Variants in RBFOX1 observed in about 807,000 individuals in gnomAD.
RBFOX1 encodes the protein RNA binding protein fox-1 homolog 1.
A neutral mutation model predicts 57.7 loss-of-function variants in RBFOX1; 8 were observed. The ratio of observed to expected loss-of-function variants is 0.14; its 90% confidence interval spans 0.08 to 0.25. RBFOX1 has a LOEUF of 0.25. Among genes scored for constraint, RBFOX1 ranks in the 10% least tolerant of loss-of-function variants. RBFOX1 has a pLI of 1.00. For missense variants in RBFOX1, 611 were observed against 548.5 expected, an observed-to-expected ratio of 1.11 and a Z score of -1.14; for synonymous variants, 326 against 222.4, an observed-to-expected ratio of 1.47 and a Z score of -4.15.
At chr16:6,778,460 G>C (rs527486932) in intron 3 of RBFOX1, among the ~76,000 whole-genome samples, 131 of 152,188 alleles carry the variant, frequency 8.6e-4, no homozygotes, top group African/African-American at 3.0e-3. Context: ...AAATGTTTCA[G>C]TATGTATCTC....
intron 3 of RBFOX1, among the ~76,000 whole-genome samples, chr16:5,860,510 A>G (rs747080958): frequency 2.6e-5 from 4 of 152,184 alleles, no homozygotes; most frequent in African/African-American, 9.7e-5. Flanking sequence ...GCTTGCTCCC[A>G]TTTGTCAAGG....
chr16:6,941,323 C>T (rs539030164), intron 3 of RBFOX1, among the ~76,000 whole-genome samples: 2 of 136,772 alleles, frequency 1.5e-5, no homozygotes, highest in African/African-American at 5.6e-5. Context: ...TCCTTCCTTC[C>T]TTCCTTCCTT....
Position 7,174,605 on chromosome 16 carries a change from A to C in RBFOX1, c.27+122507A>C, listed in dbSNP as rs137973823. Among the ~76,000 whole-genome samples the C allele has an allele frequency of 3.5e-3, 539 of 152,074 alleles. 2 individuals carry two copies. Among genetic ancestry groups the C allele is most frequent in the African/African-American group, 0.012 (500 of 41,484 alleles). On this transcript the variant is annotated intron_variant, in intron 4 of 15. Coordinates refer to ENST00000550418, the MANE Select transcript of RBFOX1 (RefSeq NM_018723.4). Reference sequence around the variant, plus strand: ...AGATTAACCTGGTGTAGGTGGTGAAACCCCATCTCTACTAAAAATACAAAA... The same window carrying C: ...AGATTAACCTGGTGTAGGTGGTGAACCCCCATCTCTACTAAAAATACAAAA...
At chr16:5,372,638 C>T (rs1476304063) in intron 1 of RBFOX1, among the ~76,000 whole-genome samples, 1 of 152,144 alleles carries the variant, frequency 6.6e-6, no homozygotes. Context: ...ATCGTGGCAG[C>T]TTCATCCAAT....
intron 1 of RBFOX1, among the ~76,000 whole-genome samples, chr16:5,288,437 C>A (rs2063453209): frequency 6.6e-6 from 1 of 152,046 alleles, no homozygotes; most frequent in Admixed American, 6.5e-5. Flanking sequence ...AAATAGTCTT[C>A]CCCAGACAGG....
At chr16:6,485,035 G>C (rs1207528073) in intron 2 of RBFOX1, among the ~76,000 whole-genome samples, 1 of 152,178 alleles carries the variant, frequency 6.6e-6, no homozygotes, top group Non-Finnish European at 1.5e-5. Context: ...AAAATCCAAA[G>C]AGTGTGAGTA....
intron 3 of RBFOX1, among the ~76,000 whole-genome samples, chr16:6,805,115 A>T (rs2086429240): frequency 1.3e-5 from 2 of 152,112 alleles, no homozygotes. Context: ...AGCATTACTC[A>T]CAATAGCAAA....
intron 4 of RBFOX1, among the ~76,000 whole-genome samples, chr16:5,943,363 A>G (rs938102712): frequency 1.3e-5 from 2 of 152,236 alleles, no homozygotes; most frequent in African/African-American, 4.8e-5. Flanking sequence ...TAAACCGTTG[A>G]TACCAAGCCT....
intron 3 of RBFOX1, among the ~76,000 whole-genome samples, chr16:6,813,339 A>T (rs1328852910): frequency 2.0e-5 from 3 of 152,156 alleles, no homozygotes; most frequent in Non-Finnish European, 4.4e-5. Context: ...GACCACATTC[A>T]TGTAACTGCC....
chr16:6,855,301 G>C (rs1320138613), intron 3 of RBFOX1, among the ~76,000 whole-genome samples: 2 of 152,070 alleles, frequency 1.3e-5, no homozygotes, highest in Non-Finnish European at 2.9e-5. Context: ...ACAGGTCTGA[G>C]ATAGCCAAGA....
intron 2 of RBFOX1, among the ~76,000 whole-genome samples, chr16:6,638,222 A>G (rs1273214657): frequency 1.3e-5 from 2 of 152,198 alleles, no homozygotes; most frequent in African/African-American, 2.4e-5. Context: ...CATTTGGGAA[A>G]GAGGGTGGAA....
intron 3 of RBFOX1, among the ~76,000 whole-genome samples, chr16:6,729,381 A>T (rs567235412): frequency 7.6e-4 from 115 of 152,298 alleles, no homozygotes; most frequent in African/African-American, 2.6e-3. Context: ...TCATTAATAA[A>T]ATAGTTTATC....
At position 5,837,648 on chromosome 16, in the gene RBFOX1, C is replaced by T. The variant is rs1178633590; in HGVS notation, c.319-29655C>T. ...CTGAGAGGTTCCTGGTCCTCTTTTG[C>T]GGGTACAGGCAACAGAACTGGGTGA... On this transcript the variant is annotated intron_variant, in intron 3 of 19. Coordinates refer to the RBFOX1 transcript ENST00000641259. Among the ~76,000 whole-genome samples, 5 of 149,962 alleles carry T rather than the reference C, an allele frequency of 3.3e-5. No homozygotes were observed. The South Asian group carries it at 6.4e-4, about 19-fold the overall frequency.
intron 3 of RBFOX1, among the ~76,000 whole-genome samples, chr16:6,934,338 A>T (rs191203064): frequency 3.9e-5 from 6 of 152,308 alleles, no homozygotes; most frequent in Admixed American, 3.3e-4. Flanking sequence ...TCAATACAGA[A>T]TACGTATTTA....
chr16:6,823,196 C>G (rs1179702168), intron 3 of RBFOX1, among the ~76,000 whole-genome samples: 1 of 151,930 alleles, frequency 6.6e-6, no homozygotes, highest in Non-Finnish European at 1.5e-5. Context: ...CCTTCTTAAG[C>G]ATTAAGCATT....
intron 3 of RBFOX1, among the ~76,000 whole-genome samples, chr16:6,948,722 A>G (rs1467578115): frequency 6.6e-6 from 1 of 152,006 alleles, no homozygotes; most frequent in Non-Finnish European, 1.5e-5. Context: ...CCATCATTTG[A>G]CTATGTTTTG....
At chr16:5,295,943 C>CTT (rs1203070789) in intron 1 of RBFOX1, among the ~76,000 whole-genome samples, 2 of 152,160 alleles carry the variant, frequency 1.3e-5, no homozygotes, top group Non-Finnish European at 2.9e-5. Context: ...ATGAATGCCC[C>CTT]TTATCAGAGA....
chr16:7,296,410 C>G (rs1282763576), intron 4 of RBFOX1, among the ~76,000 whole-genome samples: 1 of 151,990 alleles, frequency 6.6e-6, no homozygotes, highest in Non-Finnish European at 1.5e-5. Context: ...CATGCAGTCT[C>G]TTTACCATTT....
At chr16:7,259,837 G>T (rs1475554783) in intron 4 of RBFOX1, among the ~76,000 whole-genome samples, 1 of 152,148 alleles carries the variant, frequency 6.6e-6, no homozygotes, top group Admixed American at 6.5e-5. Flanking sequence ...TTATGTGTGT[G>T]TAATAAGAAT....
Sources: gnomAD v4.1 joint callset for allele counts (sites outside exome capture counted in the v4.1 genomes callset) on GRCh38, gnomAD v4.1.1 for gene constraint, MANE v1.5 for transcripts, NCBI Gene and HGNC (gene_info 2026-07-23, HGNC 2026-07-21) for gene names.